The following ATP13A4 variants were observed in gnomAD, a reference collection of about 807,000 sequenced individuals.
ATP13A4 encodes probable cation-transporting ATPase 13A4.
ATP13A4 carries 114 observed loss-of-function variants against 142.5 expected under a neutral mutation model. The ratio of observed to expected loss-of-function variants is 0.80; its 90% CI spans 0.69 to 0.93. The LOEUF is 0.93. Among genes scored for constraint, ATP13A4 ranks in the 40% least tolerant of loss-of-function variants. The pLI, the probability that ATP13A4 is intolerant of heterozygous loss-of-function variation, is 0.00. For synonymous variants in ATP13A4, 488 were observed against 514.8 expected (o/e 0.95, Z 0.70); for missense variants, 1,392 against 1,454.0 (o/e 0.96, Z 0.69).
At chr3:193,562,788 T>C (rs547469048) in intron 2 of ATP13A4, among the ~76,000 whole-genome samples, 1 of 152,258 alleles carries the variant, frequency 6.6e-6, no homozygotes, top group South Asian at 2.1e-4. Context: ...GGAGGATCAC[T>C]TGAACCCAGA....
intron 8 of ATP13A4, among the ~76,000 whole-genome samples, chr3:193,482,401 A>G (rs111456420): frequency 1.3e-5 from 2 of 152,330 alleles, no homozygotes; most frequent in African/African-American, 4.8e-5. Flanking sequence ...TCCACAATAG[A>G]AAACATTGAT....
At chr3:193,510,721 G>A (rs560180867) in intron 2 of ATP13A4, among the ~76,000 whole-genome samples, 9 of 152,056 alleles carry the variant, frequency 5.9e-5, no homozygotes, top group South Asian at 2.1e-4. Flanking sequence ...GTACATCACC[G>A]TCTTTTTTTT....
rs192903391 is a variant in ATP13A4 at position 193,414,133 on chromosome 3, G to A, written c.3014+446C>T. ...TTAGAACCTATGTTGAAATATTGGG[G>A]GCAGGTTCCCCCGATAAACAACAAC... On this transcript the variant is annotated intron_variant, in intron 26 of 29. Coordinates refer to ENST00000342695, the MANE Select transcript of ATP13A4 (RefSeq NM_032279.4). 9.0e-4 allele frequency among the ~76,000 whole-genome samples: 137 copies of A among 152,190 alleles called. 1 individual carries two copies. In the East Asian group the frequency reaches 0.023, roughly 26 times the overall value.
chr3:193,495,554 T>G (rs1720177088), intron 3 of ATP13A4, among the ~76,000 whole-genome samples: 1 of 151,896 alleles, frequency 6.6e-6, no homozygotes, highest in Non-Finnish European at 1.5e-5. Flanking sequence ...TGTTAAAAAC[T>G]CAACAAAATA....
At chr3:193,480,484 T>G (rs902982092) in intron 8 of ATP13A4, among the ~76,000 whole-genome samples, 1 of 151,942 alleles carries the variant, frequency 6.6e-6, no homozygotes, top group Non-Finnish European at 1.5e-5. Flanking sequence ...AATAGACAAC[T>G]CTTGAAAGAA....
At chr3:193,577,448 C>T (rs866458160) in intron 2 of ATP13A4, among the ~76,000 whole-genome samples, 1 of 152,264 alleles carries the variant, frequency 6.6e-6, no homozygotes. Context: ...CTTTAAAATC[C>T]AGCTCAAAAC....
At chr3:193,503,399 T>A (rs1471456815) in intron 2 of ATP13A4, among the ~76,000 whole-genome samples, 1 of 152,228 alleles carries the variant, frequency 6.6e-6, no homozygotes, top group East Asian at 1.9e-4. Context: ...GAGAAACAGA[T>A]ACCACAATGG....
chr3:193,490,595 C>T (rs1444238620), intron 6 of ATP13A4, among the ~76,000 whole-genome samples: 3 of 152,300 alleles, frequency 2.0e-5, no homozygotes, highest in South Asian at 4.1e-4. Flanking sequence ...TGTGCCTTTA[C>T]TTAAATTCCC....
At chr3:193,559,278 T>G (rs549078888), upstream of ATP13A4, among the ~76,000 whole-genome samples, 1 of 152,214 alleles carries the variant, frequency 6.6e-6, no homozygotes, top group Non-Finnish European at 1.5e-5. Flanking sequence ...AAAGAGCTGT[T>G]CAAGGTCATG....
intron 25 of ATP13A4, among the ~76,000 whole-genome samples, chr3:193,424,391 G>A (rs1356741173): frequency 6.7e-6 from 1 of 149,242 alleles, no homozygotes; most frequent in East Asian, 2.1e-4. Context: ...TCAGCAAAAA[G>A]AATAATGCCA....
At chr3:193,568,770 G>T (rs932412329) in intron 2 of ATP13A4, among the ~76,000 whole-genome samples, 1 of 152,092 alleles carries the variant, frequency 6.6e-6, no homozygotes, top group African/African-American at 2.4e-5. Context: ...AATTAATGAG[G>T]ATGGGTCAAA....
At chr3:193,474,340 A>AC (rs1398764042) in intron 8 of ATP13A4, among the ~76,000 whole-genome samples, 6 of 147,238 alleles carry the variant, frequency 4.1e-5, no homozygotes, top group African/African-American at 7.6e-5. Context: ...AAAAAAAAAA[A>AC]AAAAAAACAA....
At chr3:193,569,436 G>C (rs977092687) in intron 2 of ATP13A4, among the ~76,000 whole-genome samples, 2 of 152,192 alleles carry the variant, frequency 1.3e-5, no homozygotes, top group African/African-American at 4.8e-5. Context: ...AAAAGCATCA[G>C]ATAAAAACTA....
chr3:193,425,911 T>A (rs918644043), intron 25 of ATP13A4, among the ~76,000 whole-genome samples: 11 of 151,914 alleles, frequency 7.2e-5, no homozygotes, highest in South Asian at 2.1e-4. Context: ...TGCAAAGTGA[T>A]AAATATGCTA....
At chr3:193,458,317 C>T (rs745963124) in intron 14 of ATP13A4, among the ~76,000 whole-genome samples, 3 of 152,152 alleles carry the variant, frequency 2.0e-5, no homozygotes, top group Non-Finnish European at 4.4e-5. Context: ...GGAGTAACTC[C>T]AGCTATTTAG....
At chr3:193,454,853 AT>A (rs1421800948) in intron 16 of ATP13A4, among the ~76,000 whole-genome samples, 2 of 152,216 alleles carry the variant, frequency 1.3e-5, no homozygotes, top group Admixed American at 1.3e-4. Flanking sequence ...AAAAGCAAAA[AT>A]TGACAAATGG....
intron 2 of ATP13A4, among the ~76,000 whole-genome samples, chr3:193,503,054 A>C (rs1720647652): frequency 1.3e-5 from 2 of 151,736 alleles, no homozygotes; most frequent in African/African-American, 4.9e-5. Context: ...GGGAACTATC[A>C]CTTTGTTAAC....
intron 2 of ATP13A4, among the ~76,000 whole-genome samples, chr3:193,564,160 C>T (rs938112512): frequency 2.0e-5 from 3 of 152,244 alleles, no homozygotes; most frequent in Non-Finnish European, 4.4e-5. Context: ...AGAGGCCTTG[C>T]CACCCTGGTC....
At chr3:193,494,048 G>A (rs146499033) in intron 3 of ATP13A4, among the ~76,000 whole-genome samples, 11 of 152,112 alleles carry the variant, frequency 7.2e-5, no homozygotes, top group African/African-American at 2.6e-4. Flanking sequence ...AAAGATCATT[G>A]CATAATGACA....
Sources: gnomAD v4.1 joint callset for allele counts (sites outside exome capture counted in the v4.1 genomes callset) on GRCh38, gnomAD v4.1.1 for gene constraint, MANE v1.5 for transcripts, NCBI Gene and HGNC (gene_info 2026-07-23, HGNC 2026-07-21) for gene names.